THSD7B: variants seen among roughly 807,000 people sequenced by gnomAD.
THSD7B encodes the protein thrombospondin type-1 domain-containing protein 7B.
A neutral mutation model predicts 213.6 loss-of-function variants in THSD7B; 138 were observed. The observed-to-expected ratio is 0.65, with a 90% CI of 0.56 to 0.74. THSD7B has a LOEUF of 0.74. Ranked by LOEUF, THSD7B falls within the 30% of genes least tolerant of loss-of-function variation. The probability of loss-of-function intolerance (pLI) is 0.00; values close to 1 mark genes in which losing one functional copy is unlikely to be tolerated. For synonymous variants in THSD7B, 742 were observed against 687.0 expected (o/e 1.08, Z -1.25); for missense variants, 1,931 against 1,991.5 (o/e 0.97, Z 0.58).
At chr2:136,975,047 T>G (rs1460375116) in intron 2 of THSD7B, among the ~76,000 whole-genome samples, 2 of 146,818 alleles carry the variant, frequency 1.4e-5, no homozygotes, top group Non-Finnish European at 3.1e-5. Context: ...ATGGTTTGTT[T>G]TTTTTTTTTT....
At chr2:137,443,979 G>A (rs1687474409) in intron 14 of THSD7B, among the ~76,000 whole-genome samples, 2 of 151,978 alleles carry the variant, frequency 1.3e-5, no homozygotes, top group Admixed American at 6.6e-5. Flanking sequence ...CAATACATTA[G>A]CATCATTTAT....
rs191394035 is a variant in THSD7B at position 137,650,985 on chromosome 2, G to T, written c.3946-4516G>T. Among the ~76,000 whole-genome samples the T allele has an allele frequency of 3.6e-3, 546 of 152,144 alleles. 3 individuals carry two copies. Among genetic ancestry groups the T allele is most frequent in the African/African-American group, 0.012 (510 of 41,536 alleles). On this transcript the variant is annotated intron_variant, in intron 21 of 27. Transcript: ENST00000409968. ...GTTGAATTTGGTTTGCTAATATTTT[G>T]ATCAGGATTTTTACATTTATTTTCA...
rs948796383 is a variant in THSD7B at position 136,947,068 on chromosome 2, A to G, written c.139+64751A>G. On this transcript the variant is annotated intron_variant, in intron 2 of 27. Coordinates refer to ENST00000409968, the MANE Select transcript of THSD7B (RefSeq NM_001316349.2). ...CAGAAATCACCCATCTTTTGCATCA[A>G]TCACGCTGGGAGCTGTAGATTGGAG... Among the ~76,000 whole-genome samples the G allele has an allele frequency of 8.5e-5, 13 of 152,322 alleles. No homozygotes were observed. In the South Asian group the frequency reaches 1.0e-3, roughly 12 times the overall value.
chr2:137,426,153 A>C (rs569516099), intron 14 of THSD7B, among the ~76,000 whole-genome samples: 34 of 152,324 alleles, frequency 2.2e-4, no homozygotes, highest in African/African-American at 7.7e-4. Context: ...GAAAACTATA[A>C]AACATCAATG....
chr2:137,290,491 C>A (rs1005201972), intron 12 of THSD7B, among the ~76,000 whole-genome samples: 1 of 152,098 alleles, frequency 6.6e-6, no homozygotes, highest in African/African-American at 2.4e-5. Flanking sequence ...AGTCGCTGAG[C>A]CCCGCTTCTC....
chr2:137,609,580 T>G (rs992144766), intron 17 of THSD7B, among the ~76,000 whole-genome samples: 1 of 151,874 alleles, frequency 6.6e-6, no homozygotes, highest in Non-Finnish European at 1.5e-5. Context: ...TGTAAGGAGG[T>G]GAATGGGCAG....
chr2:137,396,736 G>C (rs1259713947), intron 12 of THSD7B, among the ~76,000 whole-genome samples: 1 of 147,256 alleles, frequency 6.8e-6, no homozygotes, highest in African/African-American at 2.5e-5. Flanking sequence ...TTTCTGTCTC[G>C]TTGATCTGTC....
At chr2:137,335,038 A>G (rs1390506692) in intron 12 of THSD7B, among the ~76,000 whole-genome samples, 7 of 152,192 alleles carry the variant, frequency 4.6e-5, no homozygotes, top group Admixed American at 4.6e-4. Context: ...ATGTGGAACT[A>G]TAAGTCAATT....
At chr2:137,589,891 G>T (rs1356360485) in intron 17 of THSD7B, among the ~76,000 whole-genome samples, 1 of 152,116 alleles carries the variant, frequency 6.6e-6, no homozygotes. Flanking sequence ...GTTAGATTGA[G>T]ATCATTTATG....
At chr2:136,896,527 G>C (rs1020634840) in intron 2 of THSD7B, among the ~76,000 whole-genome samples, 4 of 152,032 alleles carry the variant, frequency 2.6e-5, no homozygotes, top group Admixed American at 6.5e-5. Context: ...GTCTTTTGAA[G>C]TGCAAAAGTT....
chr2:137,246,089 G>T (rs1162409871), intron 10 of THSD7B, among the ~76,000 whole-genome samples: 1 of 152,170 alleles, frequency 6.6e-6, no homozygotes, highest in African/African-American at 2.4e-5. Context: ...CAGACTAGCA[G>T]GTGGGGACAG....
intron 12 of THSD7B, among the ~76,000 whole-genome samples, chr2:137,330,860 T>G (rs1323082421): frequency 6.6e-6 from 1 of 152,176 alleles, no homozygotes; most frequent in Non-Finnish European, 1.5e-5. Context: ...CCCACCCACG[T>G]CCTGCTGATT....
chr2:137,489,839 C>G (rs959371590), intron 15 of THSD7B, among the ~76,000 whole-genome samples: 5 of 152,196 alleles, frequency 3.3e-5, no homozygotes, highest in African/African-American at 1.2e-4. Flanking sequence ...AAAAAAACCT[C>G]TCCCTCCTTT....
rs114342790 is a variant in THSD7B, at chr2:137,598,205, A to G, written c.3424-17970A>G. ...CTGATGAAGGTAGAGGGGGAACTAG[A>G]CCAGTGACACAACAGTCTGCTAGAT... On this transcript the variant is annotated intron_variant, in intron 17 of 27. Coordinates refer to ENST00000409968, the MANE Select transcript of THSD7B (RefSeq NM_001316349.2). Among the ~76,000 whole-genome samples the G allele has an allele frequency of 3.9e-3, 599 of 152,308 alleles. 5 individuals carry two copies. The highest frequency in any genetic ancestry group is 0.014 in the African/African-American group (576 of 41,558).
At chr2:137,318,765 C>G (rs1319237835) in intron 12 of THSD7B, among the ~76,000 whole-genome samples, 1 of 147,260 alleles carries the variant, frequency 6.8e-6, no homozygotes. Context: ...GCTTTTCCAA[C>G]TCTAAAATAG....
At chr2:137,469,630 A>G (rs940442735) in intron 15 of THSD7B, among the ~76,000 whole-genome samples, 1 of 152,222 alleles carries the variant, frequency 6.6e-6, no homozygotes, top group Non-Finnish European at 1.5e-5. Context: ...ATTGATATGC[A>G]AAAGTATAAA....
At chr2:137,267,982 C>G (rs1558979391) in intron 10 of THSD7B, among the ~76,000 whole-genome samples, 2 of 152,176 alleles carry the variant, frequency 1.3e-5, no homozygotes, top group Non-Finnish European at 2.9e-5. Context: ...TGGCTTCAAA[C>G]CATGATATTG....
At chr2:137,233,697 G>A (rs1308519835) in intron 9 of THSD7B, among the ~76,000 whole-genome samples, 2 of 152,170 alleles carry the variant, frequency 1.3e-5, no homozygotes, top group East Asian at 3.9e-4. Flanking sequence ...TGGAAACTAG[G>A]ATATAGATGT....
In THSD7B at chr2:137,677,036, T is replaced by G. The variant is rs1159818271; in HGVS notation, c.*431T>G. The G allele has an allele frequency of 6.5e-6, 1 of 153,414 alleles. No homozygotes were observed. The highest frequency in any genetic ancestry group is 2.4e-5 in the African/African-American group (1 of 41,534). The allele number at this position is 153,414 out of a possible 1,614,324, so 9.5% of individuals were successfully genotyped here. Reference sequence around the variant, plus strand: ...TATATTAGTGCAAAGTCTTTATTCTTCCCATACTTCAACACTGAGTTTTCT... The same window carrying G: ...TATATTAGTGCAAAGTCTTTATTCTGCCCATACTTCAACACTGAGTTTTCT... On this transcript the variant is annotated 3_prime_UTR_variant, in exon 28 of 28. Transcript: ENST00000409968.
Sources: gnomAD v4.1 joint callset for allele counts (sites outside exome capture counted in the v4.1 genomes callset) on GRCh38, gnomAD v4.1.1 for gene constraint, MANE v1.5 for transcripts, NCBI Gene and HGNC (gene_info 2026-07-23, HGNC 2026-07-21) for gene names.